Variants in CYB561 observed in about 807,000 individuals in gnomAD.
CYB561 encodes cytochrome b561.
CYB561 carries 11 observed loss-of-function variants against 25.3 expected under a neutral mutation model. That is an observed-to-expected ratio of 0.44 (90% CI 0.27 to 0.72). The LOEUF is 0.72. CYB561 is among the 30% of genes least tolerant of loss of function. The pLI, the probability that CYB561 is intolerant of heterozygous loss-of-function variation, is 0.18. For missense variants in CYB561, 295 were observed against 334.9 expected (o/e 0.88, Z 0.93); for synonymous variants, 165 against 158.8 (o/e 1.04, Z -0.29).
At chr17:63,439,759 A>G (rs535101470) in intron 1 of CYB561, among the ~76,000 whole-genome samples, 2 of 152,318 alleles carry the variant, frequency 1.3e-5, no homozygotes, top group South Asian at 2.1e-4. Flanking sequence ...CGTAGCACAC[A>G]TGGATGTTTG....
rs759514226 is a variant in CYB561, at chr17:63,437,300, G to A, written c.202+46C>T. Reference sequence around the variant, plus strand: ...AAGACCCCTGCAAACTGCCTCTCAGGGACCCCCACAAGCCCGGGAAAAGAG... The same window carrying A: ...AAGACCCCTGCAAACTGCCTCTCAGAGACCCCCACAAGCCCGGGAAAAGAG... On this transcript the variant is annotated intron_variant, in intron 2 of 5. Coordinates refer to ENST00000360793, the MANE Select transcript of CYB561 (RefSeq NM_001915.4). 3.3e-6 allele frequency: 5 copies of A among 1,510,854 alleles called. No individual in the cohort carries two copies. In the African/African-American group the frequency reaches 6.9e-5, roughly 21 times the overall value. 93.6% of individuals were successfully genotyped at this position (1,510,854 alleles called of 1,614,324 possible).
At chr17:63,434,639 T>G (rs1485130758) in intron 5 of CYB561, 45 bp from the exon 6 acceptor site, 9 of 1,534,050 alleles carry the variant, frequency 5.9e-6, no homozygotes, top group Non-Finnish European at 8.0e-6. Context: ...GGGGTCACAA[T>G]TAGGCCAAAT....
At chr17:63,441,809 G>T (rs758071047) in intron 1 of CYB561, among the ~76,000 whole-genome samples, 2 of 152,226 alleles carry the variant, frequency 1.3e-5, no homozygotes, top group African/African-American at 2.4e-5. Context: ...TTTGACGCAG[G>T]GGAAGCTCCC....
At chr17:63,435,345 C>A (rs2049285034) in intron 4 of CYB561, 102 bp from the exon 5 acceptor site, 2 of 1,279,114 alleles carry the variant, frequency 1.6e-6, no homozygotes, top group South Asian at 2.8e-5. Flanking sequence ...CGACTGTGAG[C>A]CCCTCAGCCC....
intron 3 of CYB561, 79 bp from the exon 4 acceptor site, chr17:63,435,870 A>G (rs756204101): frequency 2.2e-5 from 34 of 1,581,022 alleles, no homozygotes; most frequent in Non-Finnish European, 3.0e-5. Context: ...GGAACCAGCT[A>G]GCGGGACTTC....
chr17:63,433,446 G>A lies in CYB561; in HGVS notation c.*956C>T, dbSNP rs1286253947. On this transcript the variant is annotated 3_prime_UTR_variant, in exon 6 of 6. Coordinates refer to ENST00000360793, the MANE Select transcript of CYB561 (RefSeq NM_001915.4). ...AAGATGGGCAGCAGATAAGGAGAAG[G>A]CTCGTCCTCCAGAACAGAGGCAGCA... 2.5e-6 allele frequency: 1 copy of A among 398,942 alleles called. No individual in the cohort carries two copies. Among genetic ancestry groups the A allele is most frequent in the East Asian group, 3.6e-5 (1 of 28,088 alleles). 24.7% of individuals were successfully genotyped at this position (398,942 alleles called of 1,614,324 possible).
chr17:63,434,615 G>A, intron 5 of CYB561, 21 bp from the exon 6 acceptor site: 2 of 1,594,978 alleles, frequency 1.3e-6, no homozygotes, highest in East Asian at 2.2e-5. Flanking sequence ...GAGAGGAAGG[G>A]AGAAGCTGCC....
rs761827174 is a variant in CYB561 at position 63,437,431 on chromosome 17, TC to T, written c.116del (p.Arg39GlnfsTer21). Reference protein sequence around the residue: ...AMTGAWLGLYRGGIAWESDLQ... With the variant: ...AMTGAWLGLYXGGIAWESDLQ... ...GGTCGCTCTCCCAGGCAATGCCGCC[TC>T]GGTACAGCCCGAGCCACGCGCCGGT... is the stretch of plus-strand genomic sequence containing the variant. On this transcript the variant is annotated frameshift_variant, in exon 2 of 6. Coordinates refer to ENST00000360793, the MANE Select transcript of CYB561 (RefSeq NM_001915.4). LOFTEE classifies it high-confidence loss of function. 6.2e-7 allele frequency: 1 copy of T among 1,613,924 alleles called. No individual in the cohort carries two copies. Among genetic ancestry groups the T allele is most frequent in the South Asian group, 1.1e-5 (1 of 91,072 alleles).
In CYB561 at chr17:63,437,128, A is replaced by G. The variant is rs112188491; in HGVS notation, c.202+218T>C. The stretch of plus-strand genomic sequence containing the variant: ...TGCTGTGTGTGGAAACGAGGTGAAA[A>G]TGCTGGACCAGGCTGGAGAGGAGCT... On this transcript the variant is annotated intron_variant, in intron 2 of 5. Coordinates refer to ENST00000360793, the MANE Select transcript of CYB561 (RefSeq NM_001915.4). The G allele has an allele frequency of 5.1e-4, 287 of 559,666 alleles. 2 individuals are homozygous for G. Among genetic ancestry groups the G allele is most frequent in the African/African-American group, 4.9e-3 (260 of 53,196 alleles). The allele number at this position is 559,666 out of a possible 1,614,324, so 34.7% of individuals were successfully genotyped here.
upstream of CYB561, chr17:63,446,401 GC>G (rs1384168835): frequency 7.9e-5 from 12 of 151,936 alleles, no homozygotes; most frequent in Admixed American, 4.6e-4. Context: ...CCCCGGGGCT[GC>G]CCCGCACGTG....
At position 63,435,127 on chromosome 17, in the gene CYB561, G is replaced by A. The variant is rs181505750; in HGVS notation, c.522C>T (p.Thr174=). ...GATIFLLSVG[T]ALLGLKEALL... is the part of the protein sequence containing the mutation. Reference sequence around the variant, plus strand: ...GTGCCTCCTTCAGGCCCAGCAGGGCGGTGCCCACGGAAAGGAGGAAGATGG... The same window carrying A: ...GTGCCTCCTTCAGGCCCAGCAGGGCAGTGCCCACGGAAAGGAGGAAGATGG... Residue 174 remains threonine (T), a synonymous_variant, in exon 5 of 6, where the codon ACC becomes ACT. Transcript: ENST00000360793. 1.4e-5 allele frequency: 22 copies of A among 1,614,156 alleles called. No homozygotes were observed. The African/African-American group carries it at 1.6e-4, about 12-fold the overall frequency.
chr17:63,434,375 G>A lies in CYB561; in HGVS notation c.*27C>T, dbSNP rs1188177420. On this transcript the variant is annotated 3_prime_UTR_variant, in exon 6 of 6. Coordinates refer to ENST00000360793, the MANE Select transcript of CYB561 (RefSeq NM_001915.4). Reference sequence around the variant, plus strand: ...GCAGGGGCAGGCAAGAAGACACCCCGCGAACCCCCAGGGCCGGCCGGGCGC... The same window carrying A: ...GCAGGGGCAGGCAAGAAGACACCCCACGAACCCCCAGGGCCGGCCGGGCGC... 6.6e-6 allele frequency: 10 copies of A among 1,517,040 alleles called. No homozygotes were observed. The highest frequency in any genetic ancestry group is 1.3e-5 in the South Asian group (1 of 79,540). 94.0% of individuals were successfully genotyped at this position (1,517,040 alleles called of 1,614,324 possible).
At chr17:63,437,722 C>G in intron 1 of CYB561, 162 bp from the exon 2 acceptor site, 2 of 500,892 alleles carry the variant, frequency 4.0e-6, no homozygotes, top group East Asian at 7.1e-5. Flanking sequence ...ACGGTCCCCC[C>G]AGATATGCAC....
chr17:63,437,575 A>C lies in CYB561; in HGVS notation c.-13-15T>G, dbSNP rs1468027080. 6.3e-7 allele frequency: 1 copy of C among 1,595,566 alleles called. No individual in the cohort carries two copies. The highest frequency in any genetic ancestry group is 1.7e-5 in the Admixed American group (1 of 59,278). On this transcript the variant is annotated splice_polypyrimidine_tract_variant and intron_variant, in intron 1 of 5. Transcript: ENST00000360793. ...TGAGGCAAACGCTGCAAGAAAGAGC[A>C]GAGCTCAGAGGAGCAGCGCACAGCA...
intron 1 of CYB561, among the ~76,000 whole-genome samples, chr17:63,441,478 G>A (rs1007628763): frequency 1.3e-5 from 2 of 152,224 alleles, no homozygotes; most frequent in Admixed American, 6.5e-5. Context: ...AGGTGCTAGG[G>A]CCACACAGAG....
In CYB561 at chr17:63,435,730, G is replaced by C; in HGVS notation, c.363C>G (p.His121Gln). Residue 121 changes from histidine (H) to glutamine (Q), a missense_variant, in exon 4 of 6, where the codon CAC becomes CAG. Physicochemically the swap from His to Gln is conservative, Grantham distance 24 (BLOSUM62 0). Coordinates refer to ENST00000360793, the MANE Select transcript of CYB561 (RefSeq NM_001915.4). ...CAAAGACAAGGATCCCGCACCAGCT[G>C]TGTAGGCTGTACAGGTCAGCGTAGC... ...KKGYADLYSL[H>Q]SWCGILVFVL... 1 of 1,614,260 alleles carries C rather than the reference G, an allele frequency of 6.2e-7. No homozygotes were observed. Among genetic ancestry groups the C allele is most frequent in the Non-Finnish European group, 8.5e-7 (1 of 1,180,046 alleles).
rs541014367 is a variant in CYB561, at chr17:63,436,967, TGCGC to T, written c.202+375_202+378del. 3.2e-3 allele frequency: 746 copies of T among 231,042 alleles called. 2 individuals are homozygous for T. Among genetic ancestry groups the T allele is most frequent in the Non-Finnish European group, 4.0e-3 (465 of 115,592 alleles). The allele number at this position is 231,042 out of a possible 1,614,324, so 14.3% of individuals were successfully genotyped here. ...CCAAGTCCAAGACCAACAACACACA[TGCGC>T]GCGCACGCACGCACGCATACAAACT... On this transcript the variant is annotated intron_variant, in intron 2 of 5. Coordinates refer to ENST00000360793, the MANE Select transcript of CYB561 (RefSeq NM_001915.4). The surrounding 1 kb of genome is among the most constrained non-coding windows in gnomAD (Gnocchi z 4.8).
chr17:63,433,093 T>A lies in CYB561; in HGVS notation c.*1309A>T, dbSNP rs1014992547. 1 of 306,518 alleles carries A rather than the reference T, an allele frequency of 3.3e-6. No homozygotes were observed. The highest frequency in any genetic ancestry group is 5.9e-6 in the Non-Finnish European group (1 of 168,750). 19.0% of individuals were successfully genotyped at this position (306,518 alleles called of 1,614,324 possible). A position where few individuals can be genotyped will look rare whatever the true frequency, so the allele number is the denominator to read the frequency against. Reference sequence around the variant, plus strand: ...TTTGAGCCTGTCGCCCAGGCTGGAGTGCAATCTCAGCTCACTGCAAGCGCC... The same window carrying A: ...TTTGAGCCTGTCGCCCAGGCTGGAGAGCAATCTCAGCTCACTGCAAGCGCC... On this transcript the variant is annotated 3_prime_UTR_variant, in exon 6 of 6. Coordinates refer to ENST00000360793, the MANE Select transcript of CYB561 (RefSeq NM_001915.4).
In CYB561 at chr17:63,437,470, G is replaced by T. The variant is rs758866534; in HGVS notation, c.78C>A (p.Thr26=). The T allele has an allele frequency of 3.7e-6, 6 of 1,613,912 alleles. No homozygotes were observed. Among genetic ancestry groups the T allele is most frequent in the Non-Finnish European group, 5.1e-6 (6 of 1,179,968 alleles). ...YVAFSQLLGL[T]LVAMTGAWLG... ...GCCACGCGCCGGTCATGGCCACCAA[G>T]GTCAGGCCCAGCAGCTGGGAGAAGG... Residue 26 remains threonine (T), a synonymous_variant, in exon 2 of 6, where the codon ACC becomes ACA. Transcript: ENST00000360793.
Sources: gnomAD v4.1 joint callset for allele counts (sites outside exome capture counted in the v4.1 genomes callset) on GRCh38, gnomAD v4.1.1 for gene constraint, Gnocchi (gnomAD v3.1) non-coding constraint, MANE v1.5 for transcripts, NCBI Gene and HGNC (gene_info 2026-07-23, HGNC 2026-07-21) for gene names.